The following DNM3 variants were observed in gnomAD, a reference collection of about 807,000 sequenced individuals.
DNM3 encodes the protein dynamin 3.
In DNM3, 47 loss-of-function variants were observed where a neutral mutation model predicts 101.6. The ratio of observed to expected loss-of-function variants is 0.46; its 90% confidence interval spans 0.37 to 0.59. The LOEUF is 0.59. DNM3 is among the 20% of genes least tolerant of loss of function. The pLI is 0.00. For synonymous variants in DNM3, 385 were observed against 387.9 expected (o/e 0.99, Z 0.09); for missense variants, 849 against 1,085.7 (o/e 0.78, Z 3.06).
At chr1:172,280,348 A>G (rs201840670) in intron 15 of DNM3, among the ~76,000 whole-genome samples, 1 of 152,120 alleles carries the variant, frequency 6.6e-6, no homozygotes, top group African/African-American at 2.4e-5. Context: ...TCTCCATTTT[A>G]GTATAAGTTC....
intron 14 of DNM3, among the ~76,000 whole-genome samples, chr1:172,220,350 T>C (rs886559585): frequency 1.3e-5 from 2 of 152,046 alleles, no homozygotes; most frequent in Non-Finnish European, 2.9e-5. Flanking sequence ...TTGGCTATAA[T>C]GGGGAGTGAT....
At chr1:172,383,988 A>T (rs996206856) in intron 18 of DNM3, among the ~76,000 whole-genome samples, 1 of 152,194 alleles carries the variant, frequency 6.6e-6, no homozygotes, top group Non-Finnish European at 1.5e-5. Context: ...TATTTTCTAA[A>T]TGCTATCATC....
At chr1:172,246,763 G>A (rs1189523584) in intron 14 of DNM3, among the ~76,000 whole-genome samples, 2 of 152,006 alleles carry the variant, frequency 1.3e-5, no homozygotes, top group African/African-American at 4.8e-5. Context: ...GAATATGTAT[G>A]GTTACATAAC....
chr1:172,027,350 C>T (rs1284146809), intron 4 of DNM3, among the ~76,000 whole-genome samples: 1 of 151,942 alleles, frequency 6.6e-6, no homozygotes, highest in Non-Finnish European at 1.5e-5. Flanking sequence ...TTTAGGATGC[C>T]GAGGTGGGTG....
chr1:172,387,286 G>A lies in DNM3; in HGVS notation c.2212G>A (p.Asp738Asn). Residue 738 changes from aspartate (D) to asparagine (N), a missense_variant, in exon 19 of 21, where the codon GAC becomes AAC. Transcript: ENST00000627582. ...ALKEALGIIG[D>N]ISTATVSTPA... The stretch of plus-strand genomic sequence containing the variant: ...GAAAGAAGCCCTTGGGATAATTGGG[G>A]ACATCAGCACAGCCACCGTGTCCAC... 6.2e-7 allele frequency: 1 copy of A among 1,613,900 alleles called. No individual in the cohort carries two copies. Among genetic ancestry groups the A allele is most frequent in the Non-Finnish European group, 8.5e-7 (1 of 1,179,860 alleles).
chr1:172,118,441 TAGC>T, intron 13 of DNM3, among the ~76,000 whole-genome samples: 1 of 152,368 alleles, frequency 6.6e-6, no homozygotes, highest in South Asian at 2.1e-4. Flanking sequence ...GATTGAATGA[TAGC>T]ACATCTTGTT....
intron 17 of DNM3, among the ~76,000 whole-genome samples, chr1:172,353,890 G>A (rs950742085): frequency 2.6e-5 from 4 of 151,914 alleles, no homozygotes; most frequent in Non-Finnish European, 5.9e-5. Context: ...CAGTATCAAA[G>A]AAAACTAAAA....
intron 15 of DNM3, among the ~76,000 whole-genome samples, chr1:172,257,015 A>G (rs969235319): frequency 6.6e-6 from 1 of 151,824 alleles, no homozygotes; most frequent in South Asian, 2.1e-4. Context: ...ACCAAATAAT[A>G]TGGTCTAGTA....
chr1:171,931,074 A>G (rs1436376825), intron 2 of DNM3, among the ~76,000 whole-genome samples: 1 of 152,226 alleles, frequency 6.6e-6, no homozygotes, highest in African/African-American at 2.4e-5. Context: ...CAAAAAGAGT[A>G]TACCACTTAG....
At chr1:172,340,714 T>G (rs1467866992) in intron 17 of DNM3, among the ~76,000 whole-genome samples, 1 of 152,236 alleles carries the variant, frequency 6.6e-6, no homozygotes, top group Non-Finnish European at 1.5e-5. Context: ...GTTTTCTAGA[T>G]AGACTATGGG....
intron 14 of DNM3, among the ~76,000 whole-genome samples, chr1:172,200,608 A>T (rs928934144): frequency 6.6e-6 from 1 of 151,936 alleles, no homozygotes; most frequent in Non-Finnish European, 1.5e-5. Flanking sequence ...ATCCCTTTTT[A>T]TTCTTTAATT....
Position 171,898,808 on chromosome 1 carries a change from A to G in DNM3, c.162-22940A>G, listed in dbSNP as rs532131595. Among the ~76,000 whole-genome samples, 6 of 151,744 alleles carry G rather than the reference A, an allele frequency of 4.0e-5. No homozygotes were observed. In the South Asian group the frequency reaches 1.0e-3, roughly 26 times the overall value. Reference sequence around the variant, plus strand: ...TTTTTTTCATATTTACTATTCTGTTACCTCATTCTTAATGATTACTTAGTC... The same window carrying G: ...TTTTTTTCATATTTACTATTCTGTTGCCTCATTCTTAATGATTACTTAGTC... On this transcript the variant is annotated intron_variant, in intron 1 of 20. Coordinates refer to ENST00000627582, the MANE Select transcript of DNM3 (RefSeq NM_015569.5).
chr1:172,054,037 A>G (rs1327298870), intron 10 of DNM3, among the ~76,000 whole-genome samples: 4 of 152,328 alleles, frequency 2.6e-5, no homozygotes, highest in African/African-American at 9.6e-5. Flanking sequence ...AGACTGCCTC[A>G]GGCAATGTGA....
intron 17 of DNM3, among the ~76,000 whole-genome samples, chr1:172,346,144 A>G (rs776145483): frequency 3.4e-5 from 5 of 148,294 alleles, no homozygotes; most frequent in East Asian, 2.0e-4. Context: ...AAAAAAAAAG[A>G]AAGAAAGAAA....
rs954921581 is a variant in DNM3 at position 172,418,228 on chromosome 1, C to T, written c.2541-53C>T. 62 of 1,238,068 alleles carry T rather than the reference C, an allele frequency of 5.0e-5. No homozygotes were observed. In the South Asian group the frequency reaches 7.1e-4, roughly 14 times the overall value. The allele number at this position is 1,238,068 out of a possible 1,614,324, so 76.7% of individuals were successfully genotyped here. ...ATTTAAACATTGTTTTCTTCCTCTG[C>T]ATCTGTGTCTTTCTTTTTGTTATTT... On this transcript the variant is annotated intron_variant, in intron 20 of 20. Coordinates refer to the DNM3 transcript ENST00000485254.
chr1:172,227,772 A>G (rs1005115673), intron 14 of DNM3, among the ~76,000 whole-genome samples: 6 of 152,026 alleles, frequency 3.9e-5, no homozygotes, highest in African/African-American at 1.2e-4. Context: ...TGATGTTTTC[A>G]CATCCACCCC....
At chr1:171,976,366 G>A (rs1200582519) in intron 2 of DNM3, among the ~76,000 whole-genome samples, 1 of 152,210 alleles carries the variant, frequency 6.6e-6, no homozygotes, top group Non-Finnish European at 1.5e-5. Flanking sequence ...CATGGCTGAA[G>A]AGGCCTCACA....
intron 2 of DNM3, among the ~76,000 whole-genome samples, chr1:171,928,810 G>T (rs550098650): frequency 3.4e-4 from 52 of 152,246 alleles, no homozygotes; most frequent in African/African-American, 1.2e-3. Flanking sequence ...ATGGGAATGG[G>T]CACCCATCTA....
rs368217694 is a variant in DNM3 at position 172,357,307 on chromosome 1, A to G, written c.1894-21711A>G. Among the ~76,000 whole-genome samples the G allele has an allele frequency of 1.1e-4, 16 of 152,252 alleles. No individual in the cohort carries two copies. The East Asian group carries it at 3.1e-3, about 29-fold the overall frequency. ...TTATTAATTTCAAAGGAGAAAAAAT[A>G]GAAACTTTACAGTGGAGAAACCTGG... On this transcript the variant is annotated intron_variant, in intron 17 of 20. Transcript: ENST00000627582.
Sources: gnomAD v4.1 joint callset for allele counts (sites outside exome capture counted in the v4.1 genomes callset) on GRCh38, gnomAD v4.1.1 for gene constraint, MANE v1.5 for transcripts, NCBI Gene and HGNC (gene_info 2026-07-23, HGNC 2026-07-21) for gene names.